The following NUP210L variants were observed in gnomAD, a reference collection of about 807,000 sequenced individuals.
The protein encoded by NUP210L is nuclear pore membrane glycoprotein 210-like.
Under a neutral mutation model 208.5 loss-of-function variants are expected in NUP210L, and 74 were observed. The observed-to-expected ratio is 0.35, with a 90% confidence interval of 0.29 to 0.43. The LOEUF (loss-of-function observed/expected upper bound fraction) is 0.43. NUP210L is among the 20% of genes least tolerant of loss of function. The probability of loss-of-function intolerance (pLI) is 1.00; values close to 1 mark genes in which losing one functional copy is unlikely to be tolerated. For missense variants in NUP210L, 1,843 were observed against 2,289.4 expected, an observed-to-expected ratio of 0.81 and a Z score of 3.98; for synonymous variants, 780 against 816.9, an observed-to-expected ratio of 0.95 and a Z score of 0.77.
At chr1:154,090,265 G>A (rs766800465) in intron 15 of NUP210L, among the ~76,000 whole-genome samples, 9 of 151,428 alleles carry the variant, frequency 5.9e-5, no homozygotes, top group Admixed American at 1.3e-4. Context: ...CTTTTCCTCC[G>A]CCAAATATTT....
At position 154,079,191 on chromosome 1, in the gene NUP210L, C is replaced by T. The variant is rs182076940; in HGVS notation, c.2362-8726G>A. ...GGAGGATCACTTGAGCCGAAGAGTT[C>T]AAGGCTGCAGTGAGCTATGACTGCA... On this transcript the variant is annotated intron_variant, in intron 16 of 39. Coordinates refer to ENST00000368559, the Ensembl canonical transcript of NUP210L. Among the ~76,000 whole-genome samples the T allele has an allele frequency of 1.8e-3, 270 of 152,080 alleles. 1 individual carries two copies. Among genetic ancestry groups the T allele is most frequent in the African/African-American group, 6.3e-3 (260 of 41,496 alleles).
intron 25 of NUP210L, among the ~76,000 whole-genome samples, chr1:154,050,782 C>A (rs187115351): frequency 6.6e-6 from 1 of 152,104 alleles, no homozygotes; most frequent in African/African-American, 2.4e-5. Context: ...TGGATTCTCC[C>A]TAAAATAATT....
chr1:154,151,720 G>T (rs1008097305), intron 2 of NUP210L, among the ~76,000 whole-genome samples: 6 of 151,876 alleles, frequency 4.0e-5, no homozygotes, highest in African/African-American at 1.5e-4. Flanking sequence ...CGCAGGCCAG[G>T]CAGGATGCAG....
exon 21 of NUP210L, chr1:154,058,664 G>A (rs1479225032): frequency 5.0e-6 from 8 of 1,613,418 alleles, no homozygotes; most frequent in Admixed American, 1.7e-5. Context: ...AGACCTCCAA[G>A]GTAAAAAATC....
chr1:154,128,587 A>G (rs1040589035), intron 8 of NUP210L, among the ~76,000 whole-genome samples: 3 of 151,894 alleles, frequency 2.0e-5, no homozygotes, highest in African/African-American at 7.3e-5. Flanking sequence ...ATGGTGGTTC[A>G]CACCTCTAAT....
In NUP210L at chr1:153,993,895, C is replaced by CA. The variant is rs560022336; in HGVS notation, c.5492-807dup. 4.7e-3 allele frequency among the ~76,000 whole-genome samples: 720 copies of CA among 152,106 alleles called. 11 individuals are homozygous for CA. The highest frequency in any genetic ancestry group is 0.016 in the African/African-American group (658 of 41,492). Reference sequence around the variant, plus strand: ...CCTGGGTGACAATGGGACTCCATCTCAAAAAAATTTTTTTTTAGACACACA... The same window carrying CA: ...CCTGGGTGACAATGGGACTCCATCTCAAAAAAAATTTTTTTTTAGACACACA... On this transcript the variant is annotated intron_variant, in intron 38 of 39. Transcript: ENST00000368559.
intron 21 of NUP210L, 152 bp downstream of exon 21, chr1:154,058,413 G>A: frequency 9.5e-7 from 1 of 1,053,972 alleles, no homozygotes. Flanking sequence ...GTTTAATGTT[G>A]AAATGTTGTT....
At chr1:154,052,868 C>G (rs571436262) in intron 25 of NUP210L, among the ~76,000 whole-genome samples, 1 of 152,334 alleles carries the variant, frequency 6.6e-6, no homozygotes, top group Non-Finnish European at 1.5e-5. Context: ...TGAATTGCAC[C>G]TCCCAGTCTG....
At chr1:154,081,120 A>G (rs112786515) in intron 16 of NUP210L, among the ~76,000 whole-genome samples, 117 of 152,234 alleles carry the variant, frequency 7.7e-4, no homozygotes, top group African/African-American at 2.2e-3. Context: ...TACATTAAGT[A>G]TAAATAAATT....
chr1:154,053,828 C>G (rs993925586), intron 25 of NUP210L, among the ~76,000 whole-genome samples: 1 of 152,182 alleles, frequency 6.6e-6, no homozygotes, highest in Non-Finnish European at 1.5e-5. Flanking sequence ...ATTTCCCACT[C>G]CACACTCTAT....
At chr1:154,138,859 G>A (rs1352022523) in intron 5 of NUP210L, among the ~76,000 whole-genome samples, 1 of 152,174 alleles carries the variant, frequency 6.6e-6, no homozygotes, top group African/African-American at 2.4e-5. Flanking sequence ...TTAAAGGCAA[G>A]CTGCTAATAT....
exon 23 of NUP210L, chr1:154,056,840 T>C: frequency 6.3e-7 from 1 of 1,593,248 alleles, no homozygotes; most frequent in Non-Finnish European, 8.5e-7. Context: ...AGTTGATGTG[T>C]ATTTTCTTCC....
chr1:154,135,513 C>A (rs1457944668), intron 7 of NUP210L, among the ~76,000 whole-genome samples: 1 of 151,946 alleles, frequency 6.6e-6, no homozygotes, highest in Non-Finnish European at 1.5e-5. Flanking sequence ...CCTCTGCCTC[C>A]CGGGTTCACA....
At chr1:154,003,748 A>G (rs1386782694) in intron 35 of NUP210L, among the ~76,000 whole-genome samples, 1 of 152,046 alleles carries the variant, frequency 6.6e-6, no homozygotes, top group Non-Finnish European at 1.5e-5. Context: ...TCAGCCTCCT[A>G]AAACATTGGG....
Position 154,012,383 on chromosome 1 carries a change from C to A in NUP210L, c.4654-13G>T. ...CATTGACCACCACCTGTCAGCAAAT[C>A]AAAGGAAAATCTGCACCTAAGTTCC... On this transcript the variant is annotated splice_polypyrimidine_tract_variant and intron_variant, in intron 33 of 39. Transcript: ENST00000368559. 1 of 1,608,466 alleles carries A rather than the reference C, an allele frequency of 6.2e-7. No homozygotes were observed. Among genetic ancestry groups the A allele is most frequent in the Non-Finnish European group, 8.5e-7 (1 of 1,178,288 alleles).
rs1390361029 is a variant in NUP210L at position 154,104,241 on chromosome 1, GTTATGTT to G, written c.1621-38_1621-32del. 4.4e-6 allele frequency: 7 copies of G among 1,593,626 alleles called. No individual in the cohort carries two copies. In the Admixed American group the frequency reaches 6.8e-5, roughly 15 times the overall value. ...GGGGAAAAATTCATCTTTCAAGAAAGTTATGTTAAAAAAAAGTCTTAGGAGGAGGAGA... is the reference window on the plus strand; with the variant it reads ...GGGGAAAAATTCATCTTTCAAGAAAGAAAAAAAAGTCTTAGGAGGAGGAGA... On this transcript the variant is annotated intron_variant, in intron 12 of 39. Coordinates refer to ENST00000368559, the Ensembl canonical transcript of NUP210L.
At chr1:154,093,510 G>A (rs1282095348) in intron 15 of NUP210L, among the ~76,000 whole-genome samples, 1 of 152,198 alleles carries the variant, frequency 6.6e-6, no homozygotes, top group Non-Finnish European at 1.5e-5. Context: ...CTGATAGCTA[G>A]TTATATATAC....
intron 16 of NUP210L, among the ~76,000 whole-genome samples, chr1:154,072,395 A>C (rs1176616599): frequency 3.6e-5 from 4 of 110,584 alleles, no homozygotes; most frequent in African/African-American, 3.6e-5. Flanking sequence ...TGCAGTGGTG[A>C]GATCTCGGCT....
chr1:154,019,213 T>G (rs964643576), intron 32 of NUP210L, 144 bp from the exon 33 acceptor site: 7 of 730,176 alleles, frequency 9.6e-6, no homozygotes, highest in South Asian at 8.4e-5. Flanking sequence ...ATAACTGTTT[T>G]CTCAGTGTCA....
Sources: allele counts gnomAD v4.1 joint callset (sites outside exome capture counted in the v4.1 genomes callset), GRCh38; gene constraint gnomAD v4.1.1; transcripts MANE v1.5; gene names NCBI Gene and HGNC (gene_info 2026-07-23, HGNC 2026-07-21).